Variants in HCN4 observed in about 807,000 individuals in gnomAD.
HCN4 encodes the protein hyperpolarization activated cyclic nucleotide gated potassium channel 4, also known as potassium/sodium hyperpolarization-activated cyclic nucleotide-gated channel 4.
A neutral mutation model predicts 76.9 loss-of-function variants in HCN4; 29 were observed. The ratio of observed to expected loss-of-function variants is 0.38; its 90% CI spans 0.28 to 0.51. The LOEUF is 0.51. Ranked by LOEUF, HCN4 falls within the 20% of genes least tolerant of loss-of-function variation. The probability of loss-of-function intolerance (pLI) is 0.90; values close to 1 mark genes in which losing one functional copy is unlikely to be tolerated. For missense variants in HCN4, 1,416 were observed against 1,715.2 expected, an observed-to-expected ratio of 0.83 and a Z score of 3.08; for synonymous variants, 772 against 762.5, an observed-to-expected ratio of 1.01 and a Z score of -0.21.
At chr15:73,351,122 G>A (rs2043053489) in intron 1 of HCN4, among the ~76,000 whole-genome samples, 1 of 152,144 alleles carries the variant, frequency 6.6e-6, no homozygotes, top group East Asian at 1.9e-4. Flanking sequence ...CTTACCTGCA[G>A]ACAGTCTCCT....
chr15:73,365,658 G>C (rs192195823), intron 1 of HCN4, among the ~76,000 whole-genome samples: 19 of 152,210 alleles, frequency 1.2e-4, no homozygotes, highest in Non-Finnish European at 4.4e-5. Flanking sequence ...GAAGGGCCAG[G>C]CCCAGCATCC....
chr15:73,358,430 C>T (rs1206322396), intron 1 of HCN4, among the ~76,000 whole-genome samples: 1 of 152,218 alleles, frequency 6.6e-6, no homozygotes, highest in Non-Finnish European at 1.5e-5. Flanking sequence ...AGGGGCTGCT[C>T]TAGCCTCCAA....
chr15:73,339,486 A>G (rs1460980863), intron 2 of HCN4, among the ~76,000 whole-genome samples: 2 of 152,188 alleles, frequency 1.3e-5, no homozygotes, highest in African/African-American at 2.4e-5. Context: ...CCTAGCCCCA[A>G]CCGAGGGCAT....
chr15:73,368,342 C>A lies in HCN4; in HGVS notation c.-72G>T. ...GCCGCGGACGGGCTCCAGGTCCGCCCGCCGGTCAGTCCGCCCGTGGGGACG... is the reference window on the plus strand; with the variant it reads ...GCCGCGGACGGGCTCCAGGTCCGCCAGCCGGTCAGTCCGCCCGTGGGGACG... On this transcript the variant is annotated 5_prime_UTR_variant, in exon 1 of 8. Coordinates refer to ENST00000261917, the MANE Select transcript of HCN4 (RefSeq NM_005477.3). The surrounding 1 kb of genome is among the most constrained non-coding windows in gnomAD (Gnocchi z 6.9). 8.7e-6 allele frequency: 10 copies of A among 1,143,406 alleles called. No homozygotes were observed. Among genetic ancestry groups the A allele is most frequent in the Non-Finnish European group, 1.1e-5 (10 of 879,410 alleles). The allele number at this position is 1,143,406 out of a possible 1,614,324, so 70.8% of individuals were successfully genotyped here.
At chr15:73,326,325 C>T (rs953450436) in intron 4 of HCN4, among the ~76,000 whole-genome samples, 2 of 152,264 alleles carry the variant, frequency 1.3e-5, no homozygotes, top group Admixed American at 6.5e-5. Context: ...GAGGTGGGAA[C>T]GCACAACTGC....
At position 73,322,040 on chromosome 15, in the gene HCN4, G is replaced by A. The variant is rs950696461; in HGVS notation, c.*441C>T. On this transcript the variant is annotated 3_prime_UTR_variant, in exon 8 of 8. Transcript: ENST00000261917. ...TCGCAGGCTTCTGAGGCTCCCCAGG[G>A]CACACCCCAGGGCAGCCCCTTTCTG... The A allele has an allele frequency of 2.3e-5, 5 of 214,746 alleles. No homozygotes were observed. The highest frequency in any genetic ancestry group is 7.0e-5 in the African/African-American group (3 of 42,588). 13.3% of individuals were successfully genotyped at this position (214,746 alleles called of 1,614,324 possible). A position where few individuals can be genotyped will look rare whatever the true frequency, so the allele number is the denominator to read the frequency against.
intron 1 of HCN4, among the ~76,000 whole-genome samples, chr15:73,363,271 C>T (rs1239978976): frequency 6.6e-6 from 1 of 152,240 alleles, no homozygotes; most frequent in Non-Finnish European, 1.5e-5. Context: ...CCTGCCAGAA[C>T]AGTCCTTTCC....
At chr15:73,337,602 C>G (rs1214087784) in intron 2 of HCN4, among the ~76,000 whole-genome samples, 1 of 152,184 alleles carries the variant, frequency 6.6e-6, no homozygotes, top group African/African-American at 2.4e-5. Context: ...AAGATCAGGT[C>G]CTTGTCTAAT....
chr15:73,325,101 A>G lies in HCN4; in HGVS notation c.1832T>C (p.Leu611Pro). The G allele has an allele frequency of 6.2e-7, 1 of 1,614,224 alleles. No individual in the cohort carries two copies. The highest frequency in any genetic ancestry group is 1.1e-5 in the South Asian group (1 of 91,078). ...PNFVTSMLTK[L>P]RFEVFQPGDY... Reference sequence around the variant, plus strand: ...CCCAGGCTGGAAGACCTCGAAACGCAGCTTGGTCAGCATGGACGTCACGAA... The same window carrying G: ...CCCAGGCTGGAAGACCTCGAAACGCGGCTTGGTCAGCATGGACGTCACGAA... Residue 611 changes from leucine (L) to proline (P), a missense_variant, in exon 6 of 8, where the codon CTG becomes CCG. By Grantham distance (98) the Leu-to-Pro change is moderately conservative. Transcript: ENST00000261917. The surrounding 1 kb of genome is among the most constrained non-coding windows in gnomAD (Gnocchi z 7.4).
chr15:73,367,853 C>CG lies in HCN4; in HGVS notation c.417dup (p.Gly140ArgfsTer121). 1 of 1,301,070 alleles carries CG rather than the reference C, an allele frequency of 7.7e-7. No individual in the cohort carries two copies. The highest frequency in any genetic ancestry group is 2.3e-5 in the South Asian group (1 of 43,944). 80.6% of individuals were successfully genotyped at this position (1,301,070 alleles called of 1,614,324 possible). A position where few individuals can be genotyped will look rare whatever the true frequency, so the allele number is the denominator to read the frequency against. On this transcript the variant is annotated frameshift_variant, in exon 1 of 8. Coordinates refer to ENST00000261917, the MANE Select transcript of HCN4 (RefSeq NM_005477.3). LOFTEE classifies it high-confidence loss of function. This position sits in a 1 kb window ranked among gnomAD's most constrained non-coding sequence, Gnocchi z 7.5. ...AGGCCTGGGGGCGTCCTGTCCTCGC[C>CG]GGGGGACGCGTCGCCCTCGGCGATG...
intron 1 of HCN4, among the ~76,000 whole-genome samples, chr15:73,344,635 G>A (rs1277250358): frequency 1.3e-5 from 2 of 152,162 alleles, no homozygotes; most frequent in African/African-American, 2.4e-5. Flanking sequence ...ACCAGCCCAG[G>A]GCTTCCAGAA....
At chr15:73,362,922 CT>C (rs1397851472) in intron 1 of HCN4, among the ~76,000 whole-genome samples, 1 of 152,226 alleles carries the variant, frequency 6.6e-6, no homozygotes, top group African/African-American at 2.4e-5. Context: ...CCCTCTGCCC[CT>C]ATCGGGTTTT....
chr15:73,331,735 G>T (rs2042933931), intron 3 of HCN4, among the ~76,000 whole-genome samples: 1 of 152,192 alleles, frequency 6.6e-6, no homozygotes, highest in Non-Finnish European at 1.5e-5. Flanking sequence ...ATGAGCCACT[G>T]CACCCAGCCT....
chr15:73,324,361 G>T lies in HCN4; in HGVS notation c.1979-108C>A. 3 of 1,234,830 alleles carry T rather than the reference G, an allele frequency of 2.4e-6. No homozygotes were observed. In the South Asian group the frequency reaches 3.9e-5, roughly 16 times the overall value. The allele number at this position is 1,234,830 out of a possible 1,614,324, so 76.5% of individuals were successfully genotyped here. ...CTGCCTGGCACAGAAGCCTTGGCAGGCTCACAAGGCCCTGCCCCCAGACTG... is the reference window on the plus strand; with the variant it reads ...CTGCCTGGCACAGAAGCCTTGGCAGTCTCACAAGGCCCTGCCCCCAGACTG... On this transcript the variant is annotated intron_variant, in intron 6 of 7. Coordinates refer to ENST00000261917, the MANE Select transcript of HCN4 (RefSeq NM_005477.3).
rs754956009 is a variant in HCN4 at position 73,329,651 on chromosome 15, G to A, written c.1512C>T (p.Thr504=). Residue 504 remains threonine, a synonymous_variant, in exon 4 of 8, where the codon ACC becomes ACT. Transcript: ENST00000261917. ...LTMLSMIVGA[T]CYAMFIGHAT... ...CGTGGCCAATGAACATGGCGTAGCAGGTGGCACCCACGATCATGCTGAGCA... is the reference window on the plus strand; with the variant it reads ...CGTGGCCAATGAACATGGCGTAGCAAGTGGCACCCACGATCATGCTGAGCA... The A allele has an allele frequency of 3.2e-5, 51 of 1,614,090 alleles. No homozygotes were observed. The South Asian group carries it at 5.6e-4, about 18-fold the overall frequency.
intron 2 of HCN4, chr15:73,335,598 G>C (rs2151218898): frequency 6.6e-6 from 1 of 152,524 alleles, no homozygotes; most frequent in Middle Eastern, 3.4e-3. Flanking sequence ...AGAGGACCCT[G>C]GCCCACAGCC....
At chr15:73,352,240 C>A (rs555320997) in intron 1 of HCN4, among the ~76,000 whole-genome samples, 1 of 148,914 alleles carries the variant, frequency 6.7e-6, no homozygotes, top group Non-Finnish European at 1.5e-5. Context: ...TGAGTGCATG[C>A]CATGCATGCC....
At chr15:73,344,476 A>C (rs2043021479) in intron 1 of HCN4, among the ~76,000 whole-genome samples, 1 of 152,138 alleles carries the variant, frequency 6.6e-6, no homozygotes, top group African/African-American at 2.4e-5. Context: ...TCCATCCCCT[A>C]TAATCAGAAA....
intron 1 of HCN4, among the ~76,000 whole-genome samples, chr15:73,358,035 T>C (rs1183296247): frequency 6.6e-6 from 1 of 152,132 alleles, no homozygotes; most frequent in African/African-American, 2.4e-5. Flanking sequence ...TTCAGCCTCA[T>C]ACTGAGGCCC....
Sources: gnomAD v4.1 joint callset for allele counts (sites outside exome capture counted in the v4.1 genomes callset) on GRCh38, gnomAD v4.1.1 for gene constraint, Gnocchi (gnomAD v3.1) non-coding constraint, MANE v1.5 for transcripts, NCBI Gene and HGNC (gene_info 2026-07-23, HGNC 2026-07-21) for gene names.